The following SP100 variants were observed in gnomAD, a reference collection of about 807,000 sequenced individuals.
The protein encoded by SP100 is nuclear autoantigen Sp-100.
In SP100, 84 loss-of-function variants were observed where a neutral mutation model predicts 130.0. The ratio of observed to expected loss-of-function variants is 0.65; its 90% CI spans 0.54 to 0.77. The LOEUF (loss-of-function observed/expected upper bound fraction) is 0.77, where lower values mean the gene tolerates loss of function less well. Among genes scored for constraint, SP100 ranks in the 30% least tolerant of loss-of-function variants. The pLI, the probability that SP100 is intolerant of heterozygous loss-of-function variation, is 0.00. For synonymous variants in SP100, 331 were observed against 351.7 expected, an observed-to-expected ratio of 0.94 and a Z score of 0.66; for missense variants, 978 against 1,052.2, an observed-to-expected ratio of 0.93 and a Z score of 0.97.
At chr2:230,519,424 T>C (rs560830908) in intron 24 of SP100, among the ~76,000 whole-genome samples, 47 of 152,350 alleles carry the variant, frequency 3.1e-4, no homozygotes, top group Admixed American at 8.5e-4. Flanking sequence ...TTTCATTCTT[T>C]AGTTGTTCTG....
chr2:230,502,980 G>A, intron 19 of SP100, 86 bp from the exon 20 acceptor site: 1 of 1,058,448 alleles, frequency 9.4e-7, no homozygotes, highest in Non-Finnish European at 1.4e-6. Context: ...ACAGGATCCT[G>A]AAAAGTTGCA....
chr2:230,430,897 G>A (rs933136593), intron 2 of SP100, among the ~76,000 whole-genome samples: 1 of 152,262 alleles, frequency 6.6e-6, no homozygotes, highest in Non-Finnish European at 1.5e-5. Context: ...GTTAGGCAGG[G>A]TGGCTGGCTT....
chr2:230,520,695 G>T (rs987648817), intron 24 of SP100: 4 of 152,184 alleles, frequency 2.6e-5, no homozygotes, highest in Non-Finnish European at 4.4e-5. Context: ...TAAATAATTT[G>T]ATAACAGTTT....
chr2:230,451,423 C>T (rs896519426), intron 8 of SP100, among the ~76,000 whole-genome samples: 8 of 152,172 alleles, frequency 5.3e-5, no homozygotes, highest in African/African-American at 1.9e-4. Context: ...ACCTGTTAGC[C>T]ATTTGCATGT....
At chr2:230,471,645 C>T (rs1336627616) in intron 15 of SP100, among the ~76,000 whole-genome samples, 2 of 151,986 alleles carry the variant, frequency 1.3e-5, no homozygotes, top group East Asian at 3.8e-4. Context: ...CACATACACA[C>T]CACACACACA....
chr2:230,523,675 A>G (rs1691279528), intron 24 of SP100, among the ~76,000 whole-genome samples: 1 of 152,084 alleles, frequency 6.6e-6, no homozygotes. Context: ...TTGCGGGGCC[A>G]AGGCAGGCAG....
chr2:230,539,255 C>G lies in SP100; in HGVS notation c.2095-12C>G. ...TCACTGATCCCGGTGATGTCTACATCTCCCCTTCTAGCCGGAAAACTCAAA... is the reference window on the plus strand; with the variant it reads ...TCACTGATCCCGGTGATGTCTACATGTCCCCTTCTAGCCGGAAAACTCAAA... On this transcript the variant is annotated splice_polypyrimidine_tract_variant and intron_variant, in intron 24 of 28. Transcript: ENST00000340126. 2 of 1,582,172 alleles carry G rather than the reference C, an allele frequency of 1.3e-6. No individual in the cohort carries two copies. The highest frequency in any genetic ancestry group is 1.7e-6 in the Non-Finnish European group (2 of 1,150,924).
intron 24 of SP100, among the ~76,000 whole-genome samples, chr2:230,528,424 G>C (rs951272137): frequency 2.6e-5 from 4 of 152,110 alleles, no homozygotes; most frequent in Admixed American, 2.6e-4. Context: ...ACACATTTAA[G>C]GCAGTGTGTA....
intron 2 of SP100, among the ~76,000 whole-genome samples, chr2:230,434,121 A>G (rs1000155384): frequency 6.6e-6 from 1 of 151,906 alleles, no homozygotes; most frequent in East Asian, 1.9e-4. Context: ...TGAATTTTAT[A>G]TACAAATGAA....
intron 2 of SP100, among the ~76,000 whole-genome samples, chr2:230,428,947 T>C (rs2063020090): frequency 6.6e-6 from 1 of 152,374 alleles, no homozygotes. Flanking sequence ...AATAGTTTGT[T>C]TTTTAACTTT....
Position 230,480,664 on chromosome 2 carries a change from C to T in SP100, c.1600+6217C>T, listed in dbSNP as rs1223202342. Among the ~76,000 whole-genome samples, 5 of 152,198 alleles carry T rather than the reference C, an allele frequency of 3.3e-5. No homozygotes were observed. The East Asian group carries it at 9.7e-4, about 29-fold the overall frequency. On this transcript the variant is annotated intron_variant, in intron 17 of 28. Coordinates refer to ENST00000340126, the MANE Select transcript of SP100 (RefSeq NM_001080391.2). ...TGTAGAGCAATGCTGGAAGGGGAGG[C>T]AAATCTCCTGCCAGGAGCCTGAGGT... is the stretch of plus-strand genomic sequence containing the variant.
At chr2:230,459,261 G>C (rs978959683) in intron 8 of SP100, among the ~76,000 whole-genome samples, 3 of 152,182 alleles carry the variant, frequency 2.0e-5, no homozygotes, top group Admixed American at 6.5e-5. Flanking sequence ...ATCATGCAAA[G>C]AAGGGAAGAG....
intron 24 of SP100, among the ~76,000 whole-genome samples, chr2:230,528,237 C>T (rs1160959990): frequency 1.3e-5 from 2 of 152,182 alleles, no homozygotes; most frequent in African/African-American, 4.8e-5. Context: ...GTCTCTCAGA[C>T]CACAGTGTAA....
At chr2:230,434,401 G>A (rs2063185940) in intron 2 of SP100, among the ~76,000 whole-genome samples, 1 of 152,116 alleles carries the variant, frequency 6.6e-6, no homozygotes, top group Non-Finnish European at 1.5e-5. Context: ...TTGCATTTAT[G>A]AGCATCTAAT....
At chr2:230,522,732 C>T (rs1052644858) in intron 24 of SP100, among the ~76,000 whole-genome samples, 4 of 151,840 alleles carry the variant, frequency 2.6e-5, no homozygotes, top group Admixed American at 2.0e-4. Flanking sequence ...TCATGATCTG[C>T]CTGCCTCGGC....
At chr2:230,489,616 T>C (rs1452050771) in intron 17 of SP100, among the ~76,000 whole-genome samples, 1 of 152,192 alleles carries the variant, frequency 6.6e-6, no homozygotes, top group African/African-American at 2.4e-5. Flanking sequence ...AGGGTATAGA[T>C]TTTAGATCTT....
chr2:230,425,693 A>G (rs1326383491), intron 2 of SP100, among the ~76,000 whole-genome samples: 2 of 152,026 alleles, frequency 1.3e-5, no homozygotes, highest in South Asian at 2.1e-4. Context: ...GCATCTATGT[A>G]TATCTGGAGA....
intron 24 of SP100, among the ~76,000 whole-genome samples, chr2:230,520,272 A>G (rs562957121): frequency 2.6e-5 from 4 of 152,298 alleles, no homozygotes; most frequent in Admixed American, 1.3e-4. Context: ...TGGGTTTCCT[A>G]AAAACCATTT....
intron 24 of SP100, among the ~76,000 whole-genome samples, chr2:230,529,848 A>G (rs541041616): frequency 6.0e-4 from 91 of 152,310 alleles, no homozygotes; most frequent in African/African-American, 2.1e-3. Flanking sequence ...AAGAGAATAA[A>G]ATACCTAGGA....
Sources: gnomAD v4.1 joint callset for allele counts (sites outside exome capture counted in the v4.1 genomes callset) on GRCh38, gnomAD v4.1.1 for gene constraint, MANE v1.5 for transcripts, NCBI Gene and HGNC (gene_info 2026-07-23, HGNC 2026-07-21) for gene names.